Variants in FAM186A observed in about 807,000 individuals in gnomAD.
FAM186A encodes protein FAM186A.
FAM186A carries 163 observed loss-of-function variants against 216.8 expected under a neutral mutation model. The ratio of observed to expected loss-of-function variants is 0.75; its 90% CI spans 0.66 to 0.86. The LOEUF is 0.86. FAM186A is among the 40% of genes least tolerant of loss of function. The pLI, the probability that FAM186A is intolerant of heterozygous loss-of-function variation, is 0.00. For synonymous variants in FAM186A, 805 were observed against 1,025.3 expected, an observed-to-expected ratio of 0.79 and a Z score of 4.10; for missense variants, 2,184 against 2,746.2, an observed-to-expected ratio of 0.80 and a Z score of 4.58.
chr12:50,333,585 G>A (rs996132238), intron 5 of FAM186A, among the ~76,000 whole-genome samples: 1 of 152,058 alleles, frequency 6.6e-6, no homozygotes, highest in African/African-American at 2.4e-5. Context: ...TGGAGGCGGA[G>A]ATTGGAATTA....
chr12:50,370,778 C>CAA (rs1212048339), intron 1 of FAM186A, among the ~76,000 whole-genome samples: 1 of 151,904 alleles, frequency 6.6e-6, no homozygotes, highest in East Asian at 1.9e-4. Flanking sequence ...AATGGATAAA[C>CAA]AAAATGTGGT....
At chr12:50,378,571 TATACAC>T (rs1943222331) in intron 1 of FAM186A, among the ~76,000 whole-genome samples, 2 of 12,386 alleles carry the variant, frequency 1.6e-4, no homozygotes, top group Non-Finnish European at 4.0e-3. Flanking sequence ...TATATATATA[TATACAC>T]ATATGTAAAT....
chr12:50,388,943 G>C (rs1455039116), intron 1 of FAM186A, among the ~76,000 whole-genome samples: 1 of 151,642 alleles, frequency 6.6e-6, no homozygotes, highest in Non-Finnish European at 1.5e-5. Flanking sequence ...CCAGCTACTC[G>C]GAAGTCCGAA....
Position 50,354,913 on chromosome 12 carries a change from A to T in FAM186A, c.1919T>A (p.Val640Asp). 6.4e-7 allele frequency: 1 copy of T among 1,550,672 alleles called. No homozygotes were observed. The highest frequency in any genetic ancestry group is 1.2e-5 in the South Asian group (1 of 83,814). Residue 640 changes from valine (V) to aspartate (D), a missense_variant, in exon 4 of 8, where the codon GTT (valine) becomes GAT (aspartate). This residue lies in a region of FAM186A where 1,132 missense variants were observed against 1,263.4 expected (regional missense o/e 0.90). Coordinates refer to ENST00000327337, the MANE Select transcript of FAM186A (RefSeq NM_001145475.3). ...LTKQVKSHQL[V>D]KSLSRVAKET... is the part of the protein sequence containing the mutation. ...TTTAGCCACTCTTGAGAGTGATTTA[A>T]CAAGTTGATGAGACTTGACTTGTTT... is the stretch of plus-strand genomic sequence containing the variant.
intron 3 of FAM186A, among the ~76,000 whole-genome samples, chr12:50,359,327 G>C (rs1001471860): frequency 6.6e-6 from 1 of 152,078 alleles, no homozygotes; most frequent in African/African-American, 2.4e-5. Flanking sequence ...GAACCCGGGA[G>C]GTGGAGGTTG....
chr12:50,352,230 C>A lies in FAM186A; in HGVS notation c.4602G>T (p.Pro1534=). ...GAGGGATCCCCAATTCCTGAGCCTG[C>A]GGAGGGATCAGAGGGATCCCCAGGG... ...AQALGIPLIP[P]QAQELGIPLT... Residue 1534 remains proline, a synonymous_variant, in exon 4 of 8, where the codon CCG becomes CCT. Coordinates refer to ENST00000327337, the MANE Select transcript of FAM186A (RefSeq NM_001145475.3). 1 of 1,517,354 alleles carries A rather than the reference C, an allele frequency of 6.6e-7. No individual in the cohort carries two copies. The highest frequency in any genetic ancestry group is 8.8e-7 in the Non-Finnish European group (1 of 1,135,118). 94.0% of individuals were successfully genotyped at this position (1,517,354 alleles called of 1,614,324 possible).
In FAM186A at chr12:50,355,715, T is replaced by C; in HGVS notation, c.1117A>G (p.Asn373Asp). The C allele has an allele frequency of 6.4e-7, 1 of 1,551,638 alleles. No homozygotes were observed. The highest frequency in any genetic ancestry group is 8.7e-7 in the Non-Finnish European group (1 of 1,146,982). The change falls in exon 4 of 8, where the codon AAT becomes GAT. Residue 373 changes from asparagine to aspartate, a missense_variant. Asn to Asp is a conservative substitution (Grantham distance 23). Transcript: ENST00000327337. ...TCCTTGTCTAAAATATTGTCCATATTGTCCTCAGTATCACCAACTTTGATT... is the reference window on the plus strand; with the variant it reads ...TCCTTGTCTAAAATATTGTCCATATCGTCCTCAGTATCACCAACTTTGATT... Reference protein sequence around the residue: ...AIIKVGDTEDNMDNILDKELE... With the variant: ...AIIKVGDTEDDMDNILDKELE...
At chr12:50,384,428 AC>A (rs1214766848) in intron 1 of FAM186A, among the ~76,000 whole-genome samples, 1 of 152,174 alleles carries the variant, frequency 6.6e-6, no homozygotes, top group Non-Finnish European at 1.5e-5. Context: ...ATGTCTCTAA[AC>A]AAAAATAAAT....
Position 50,351,667 on chromosome 12 carries a change from A to G in FAM186A, c.5165T>C (p.Leu1722Pro). ...TGATATGATGGATTGCCCAGTGGGG[A>G]GAGAAGCCTTCGATTTCTGAAATGG... ...HRPFQKSKAS[L>P]PTGQSIISRL... Residue 1722 changes from leucine to proline, a missense_variant, in exon 4 of 8, where the codon CTC (leucine) becomes CCC (proline). Physicochemically the swap from Leu to Pro is moderately conservative, Grantham distance 98. Transcript: ENST00000327337. 1 of 1,551,590 alleles carries G rather than the reference A, an allele frequency of 6.4e-7. No individual in the cohort carries two copies.
intron 1 of FAM186A, among the ~76,000 whole-genome samples, chr12:50,373,029 AAGAAAGAAAGAAAG>A (rs1357228824): frequency 2.7e-5 from 4 of 148,590 alleles, no homozygotes; most frequent in African/African-American, 9.9e-5. Flanking sequence ...GAAAGAAAGA[AAGAAAGAAAGAAAG>A]AAAGAAAGAA....
Position 50,353,560 on chromosome 12 carries a change from T to A in FAM186A, c.3272A>T (p.Gln1091Leu), listed in dbSNP as rs539182491. The A allele has an allele frequency of 1.7e-5, 26 of 1,529,360 alleles. No homozygotes were observed. In the South Asian group the frequency reaches 3.0e-4, roughly 18 times the overall value. 94.7% of individuals were successfully genotyped at this position (1,529,360 alleles called of 1,614,324 possible). The change falls in exon 4 of 8, where the codon CAG (glutamine) becomes CTG (leucine). Residue 1091 changes from glutamine to leucine, a missense_variant. Physicochemically the swap from Gln to Leu is moderately radical, Grantham distance 113 (BLOSUM62 -2). Transcript: ENST00000327337. ...QEVGITLTPQ[Q>L]AQAQGITLTL... The stretch of plus-strand genomic sequence containing the variant: ...GAGCGTGATCCCCTGAGCCTGGGCC[T>A]GCTGAGGAGTGAGTGTGATCCCCAC...
At position 50,363,356 on chromosome 12, in the gene FAM186A, A is replaced by G; in HGVS notation, c.201T>C (p.Asp67=). 6.5e-7 allele frequency: 1 copy of G among 1,548,760 alleles called. No homozygotes were observed. Among genetic ancestry groups the G allele is most frequent in the Non-Finnish European group, 8.7e-7 (1 of 1,145,616 alleles). Residue 67 remains aspartate (D), a synonymous_variant, in exon 2 of 8, where the codon GAT becomes GAC. Coordinates refer to ENST00000327337, the MANE Select transcript of FAM186A (RefSeq NM_001145475.3). ...TGTTCATTATTTCACTCAGCTGCAT[A>G]TCAATGTCCTGTCAGAATAAGAAGG... ...AQLHRAREDI[D]MQLSEIMNNV...
At chr12:50,346,551 T>C (rs1324926400) in intron 4 of FAM186A, among the ~76,000 whole-genome samples, 1 of 151,974 alleles carries the variant, frequency 6.6e-6, no homozygotes, top group Non-Finnish European at 1.5e-5. Context: ...TACATTTATT[T>C]AAACATACAA....
chr12:50,382,405 A>AT (rs1943261930), intron 1 of FAM186A, among the ~76,000 whole-genome samples: 1 of 151,810 alleles, frequency 6.6e-6, no homozygotes, highest in Non-Finnish European at 1.5e-5. Flanking sequence ...ATTAATTAAA[A>AT]ATATATATAT....
chr12:50,331,572 T>G, intron 6 of FAM186A, 98 bp downstream of exon 6: 2 of 1,185,192 alleles, frequency 1.7e-6, no homozygotes, highest in Non-Finnish European at 2.4e-6. Context: ...CATTGCACCA[T>G]TTGATAATTG....
At chr12:50,349,391 GT>G (rs1009731106) in intron 4 of FAM186A, among the ~76,000 whole-genome samples, 4 of 151,856 alleles carry the variant, frequency 2.6e-5, no homozygotes, top group African/African-American at 9.7e-5. Flanking sequence ...GTCTCAATTT[GT>G]TGTCCAGGCT....
chr12:50,387,690 C>T (rs969500989), intron 1 of FAM186A, among the ~76,000 whole-genome samples: 1 of 152,062 alleles, frequency 6.6e-6, no homozygotes. Flanking sequence ...CTCTCCTTGG[C>T]CGGCACCACG....
chr12:50,377,810 G>A (rs1182236144), intron 1 of FAM186A, among the ~76,000 whole-genome samples: 5 of 143,856 alleles, frequency 3.5e-5, no homozygotes, highest in Admixed American at 2.2e-4. Context: ...ACTCCAGCCC[G>A]GGCAAAAGAG....
At chr12:50,349,177 C>G (rs759121192) in intron 4 of FAM186A, among the ~76,000 whole-genome samples, 6 of 151,690 alleles carry the variant, frequency 4.0e-5, no homozygotes, top group Non-Finnish European at 7.4e-5. Flanking sequence ...TTCCCCCCAC[C>G]CCCACTACCC....
Sources: gnomAD v4.1 joint callset for allele counts (sites outside exome capture counted in the v4.1 genomes callset) on GRCh38, gnomAD v4.1.1 for gene constraint, gnomAD v4.1.1 regional missense constraint, MANE v1.5 for transcripts, NCBI Gene and HGNC (gene_info 2026-07-23, HGNC 2026-07-21) for gene names.